DYNC1LI1: variants seen among roughly 807,000 people sequenced by gnomAD.
DYNC1LI1 encodes cytoplasmic dynein 1 light intermediate chain 1.
In DYNC1LI1, 19 loss-of-function variants were observed where a neutral mutation model predicts 63.8. The ratio of observed to expected loss-of-function variants is 0.30; its 90% CI spans 0.21 to 0.44. The LOEUF (loss-of-function observed/expected upper bound fraction) is 0.44. Ranked by LOEUF, DYNC1LI1 falls within the 20% of genes least tolerant of loss-of-function variation. DYNC1LI1 has a pLI of 1.00. For missense variants in DYNC1LI1, 565 were observed against 630.2 expected, an observed-to-expected ratio of 0.90 and a Z score of 1.11; for synonymous variants, 225 against 232.3, an observed-to-expected ratio of 0.97 and a Z score of 0.28.
chr3:32,529,131 G>T (rs146722977), intron 11 of DYNC1LI1, among the ~76,000 whole-genome samples: 1 of 152,266 alleles, frequency 6.6e-6, no homozygotes, highest in African/African-American at 2.4e-5. Context: ...AAGCAAAGTT[G>T]AATAATCATT....
At chr3:32,558,155 C>T (rs1698140429) in intron 2 of DYNC1LI1, among the ~76,000 whole-genome samples, 1 of 151,920 alleles carries the variant, frequency 6.6e-6, no homozygotes, top group Non-Finnish European at 1.5e-5. Context: ...ATCACCTGAG[C>T]CCAGGAGGCT....
At chr3:32,544,419 T>G (rs1559438722) in intron 4 of DYNC1LI1, among the ~76,000 whole-genome samples, 1 of 152,200 alleles carries the variant, frequency 6.6e-6, no homozygotes, top group Admixed American at 6.5e-5. Context: ...TTGTGTCTTA[T>G]GTTTCTAATT....
intron 5 of DYNC1LI1, among the ~76,000 whole-genome samples, chr3:32,538,555 G>A (rs1697832583): frequency 6.6e-6 from 1 of 151,974 alleles, no homozygotes; most frequent in Non-Finnish European, 1.5e-5. Context: ...AAAAAAATTA[G>A]CCGGCCATGG....
chr3:32,539,171 A>G (rs1697843320), intron 5 of DYNC1LI1, among the ~76,000 whole-genome samples: 1 of 152,198 alleles, frequency 6.6e-6, no homozygotes, highest in Non-Finnish European at 1.5e-5. Flanking sequence ...AGATTTTAAG[A>G]TAGTGTTTTA....
In DYNC1LI1 at chr3:32,545,090, A is replaced by G. The variant is rs1697934938; in HGVS notation, c.354T>C (p.Asn118=). 6.2e-7 allele frequency: 1 copy of G among 1,612,284 alleles called. No homozygotes were observed. The highest frequency in any genetic ancestry group is 8.5e-7 in the Non-Finnish European group (1 of 1,178,358). Residue 118 remains asparagine, a synonymous_variant, in exon 4 of 13, where the codon AAT becomes AAC. Transcript: ENST00000273130. ...ATAGGTCTCCATCTAAGATCCAAAC[A>G]TTACATCTTGTTTGATCTACAACAG... ...DEDRDDQTRC[N]VWILDGDLYH...
At chr3:32,535,450 G>C (rs546881390) in intron 6 of DYNC1LI1, among the ~76,000 whole-genome samples, 1 of 152,264 alleles carries the variant, frequency 6.6e-6, no homozygotes, top group Non-Finnish European at 1.5e-5. Context: ...GGGAAATGCT[G>C]GGAGTACAGT....
At chr3:32,533,623 T>C (rs555579652) in intron 7 of DYNC1LI1, among the ~76,000 whole-genome samples, 41 of 150,578 alleles carry the variant, frequency 2.7e-4, no homozygotes, top group Middle Eastern at 3.4e-3. Flanking sequence ...TGGAGTACAG[T>C]GGCTCAACCA....
chr3:32,558,644 G>A (rs1452585592), intron 2 of DYNC1LI1, among the ~76,000 whole-genome samples: 6 of 151,974 alleles, frequency 3.9e-5, no homozygotes, highest in Non-Finnish European at 8.8e-5. Flanking sequence ...TTGGGAGTTC[G>A]AGATCAGCCT....
chr3:32,541,254 G>C, intron 4 of DYNC1LI1, 48 bp from the exon 5 acceptor site: 1 of 1,291,770 alleles, frequency 7.7e-7, no homozygotes, highest in Non-Finnish European at 1.1e-6. Context: ...ATTTCAGCAG[G>C]TAACTTTTCT....
Position 32,570,783 on chromosome 3 carries a change from T to A in DYNC1LI1, c.-13A>T. The A allele has an allele frequency of 2.5e-6, 4 of 1,598,042 alleles. No homozygotes were observed. Among genetic ancestry groups the A allele is most frequent in the Non-Finnish European group, 3.4e-6 (4 of 1,171,930 alleles). On this transcript the variant is annotated 5_prime_UTR_variant, in exon 1 of 13. Coordinates refer to ENST00000273130, the MANE Select transcript of DYNC1LI1 (RefSeq NM_016141.4). ...CCACGGCCGCCATCTTGGTCGGGAA[T>A]CACACCACTCCCGGCAAGACTAAAT...
chr3:32,537,134 C>T (rs755011872), intron 5 of DYNC1LI1, 30 bp from the exon 6 acceptor site: 10 of 1,233,286 alleles, frequency 8.1e-6, no homozygotes, highest in Admixed American at 2.4e-5. Flanking sequence ...AAAAATAATA[C>T]ATTTAAAATA....
At chr3:32,560,001 G>GT (rs756126868) in intron 2 of DYNC1LI1, among the ~76,000 whole-genome samples, 20 of 152,146 alleles carry the variant, frequency 1.3e-4, no homozygotes, top group Non-Finnish European at 2.6e-4. Context: ...ACATTGGTAG[G>GT]TAAGAGTAGG....
intron 2 of DYNC1LI1, among the ~76,000 whole-genome samples, chr3:32,546,621 A>T (rs774336061): frequency 6.6e-6 from 1 of 152,160 alleles, no homozygotes; most frequent in Non-Finnish European, 1.5e-5. Flanking sequence ...TCTTACTCTT[A>T]GCTTTCAATC....
Position 32,530,513 on chromosome 3 carries a change from T to G in DYNC1LI1, c.1088A>C (p.His363Pro), listed in dbSNP as rs1697682039. The G allele has an allele frequency of 6.2e-7, 1 of 1,612,982 alleles. No individual in the cohort carries two copies. Among genetic ancestry groups the G allele is most frequent in the Non-Finnish European group, 8.5e-7 (1 of 1,179,714 alleles). The change falls in exon 9 of 13, where the codon CAT becomes CCT. Residue 363 changes from histidine (H) to proline (P), a missense_variant. Physicochemically the swap from His to Pro is moderately conservative, Grantham distance 77. Transcript: ENST00000273130. ...ATCTTCTGCCATAATTTCCTTCTCA[T>G]GTACAAACTGAAATGAGCAATGCAC... is the stretch of plus-strand genomic sequence containing the variant. ...ITKPPVRKFV[H>P]EKEIMAEDDQ...
intron 2 of DYNC1LI1, among the ~76,000 whole-genome samples, chr3:32,561,154 C>A (rs144608956): frequency 1.9e-3 from 288 of 151,752 alleles, no homozygotes; most frequent in African/African-American, 6.4e-3. Flanking sequence ...AGTTCCCATG[C>A]CCTAGGAGGT....
chr3:32,567,108 T>C (rs1252554738), intron 2 of DYNC1LI1, among the ~76,000 whole-genome samples: 2 of 152,234 alleles, frequency 1.3e-5, no homozygotes, highest in Non-Finnish European at 2.9e-5. Flanking sequence ...AGACAGGCTT[T>C]GAGTAGAAAG....
At chr3:32,540,773 T>C (rs547472976) in intron 5 of DYNC1LI1, among the ~76,000 whole-genome samples, 34 of 152,230 alleles carry the variant, frequency 2.2e-4, no homozygotes, top group African/African-American at 6.7e-4. Flanking sequence ...ACTAAACTGA[T>C]TGATCATACA....
At chr3:32,553,719 A>G (rs183092229) in intron 2 of DYNC1LI1, among the ~76,000 whole-genome samples, 12 of 152,336 alleles carry the variant, frequency 7.9e-5, no homozygotes, top group Non-Finnish European at 1.5e-4. Flanking sequence ...GCCAACTGTA[A>G]CTAACACAAC....
chr3:32,559,835 C>G (rs1318952347), intron 2 of DYNC1LI1, among the ~76,000 whole-genome samples: 1 of 152,130 alleles, frequency 6.6e-6, no homozygotes, highest in Non-Finnish European at 1.5e-5. Context: ...CCTATTTTAT[C>G]TGAAAGCTCT....
Sources: allele counts gnomAD v4.1 joint callset (sites outside exome capture counted in the v4.1 genomes callset), GRCh38; gene constraint gnomAD v4.1.1; transcripts MANE v1.5; gene names NCBI Gene and HGNC (gene_info 2026-07-23, HGNC 2026-07-21).